The following STRN3 variants were observed in gnomAD, a reference collection of about 807,000 sequenced individuals.
STRN3 encodes the protein striatin-3.
A neutral mutation model predicts 95.6 loss-of-function variants in STRN3; 29 were observed. The ratio of observed to expected loss-of-function variants is 0.30; its 90% CI spans 0.23 to 0.41. The LOEUF is 0.41. Among genes scored for constraint, STRN3 ranks in the 10% least tolerant of loss-of-function variants. The pLI is 1.00. For missense variants in STRN3, 890 were observed against 972.1 expected (o/e 0.92, Z 1.12); for synonymous variants, 331 against 357.6 (o/e 0.93, Z 0.84).
chr14:30,918,183 CA>C (rs1341574164), intron 9 of STRN3, among the ~76,000 whole-genome samples: 2 of 152,078 alleles, frequency 1.3e-5, no homozygotes, highest in Admixed American at 1.3e-4. Context: ...ATTTAGGTAA[CA>C]GTTACATATA....
intron 5 of STRN3, among the ~76,000 whole-genome samples, chr14:30,937,571 T>TACAGATAGAAAGAC (rs1878884415): frequency 6.6e-6 from 1 of 152,194 alleles, no homozygotes; most frequent in Admixed American, 6.6e-5. Context: ...AAGGTTTTCA[T>TACAGATAGAAAGAC]ACAGTTGTTT....
chr14:30,993,828 C>G (rs931092181), intron 1 of STRN3, among the ~76,000 whole-genome samples: 1 of 151,616 alleles, frequency 6.6e-6, no homozygotes, highest in Non-Finnish European at 1.5e-5. Context: ...TACAGGCACC[C>G]GCCACCACAC....
chr14:30,957,471 A>AGAGC (rs1879977785), intron 1 of STRN3, among the ~76,000 whole-genome samples: 1 of 145,788 alleles, frequency 6.9e-6, no homozygotes, highest in Non-Finnish European at 1.5e-5. Context: ...AAAAAAAAAG[A>AGAGC]GAGAGAGAAA....
chr14:30,926,939 G>C (rs1471422279), intron 8 of STRN3, among the ~76,000 whole-genome samples: 10 of 151,998 alleles, frequency 6.6e-5, no homozygotes, highest in Non-Finnish European at 1.5e-4. Flanking sequence ...ATTATTTGTT[G>C]ACATAAAATG....
rs34490042 is a variant in STRN3 at position 31,009,604 on chromosome 14, AT to A, written c.282+16299del. Among the ~76,000 whole-genome samples, 191 of 144,666 alleles carry A rather than the reference AT, an allele frequency of 1.3e-3. 1 individual carries two copies. Among genetic ancestry groups the A allele is most frequent in the African/African-American group, 2.9e-3 (116 of 39,652 alleles). The allele number at this position is 144,666 out of a possible 152,430, so 94.9% of individuals were successfully genotyped here. ...TCAGGATTACAAAAAACCATTGCCA[AT>A]TTTTTTTTTTTTTTTACATTTCTGT... On this transcript the variant is annotated intron_variant, in intron 1 of 17. Coordinates refer to ENST00000357479, the MANE Select transcript of STRN3 (RefSeq NM_001083893.2).
At position 30,936,461 on chromosome 14, in the gene STRN3, T is replaced by G. The variant is rs773183930; in HGVS notation, c.846+34A>C. On this transcript the variant is annotated intron_variant, in intron 6 of 17. Coordinates refer to ENST00000357479, the MANE Select transcript of STRN3 (RefSeq NM_001083893.2). The stretch of plus-strand genomic sequence containing the variant: ...AATTCCCATTCCAACTACATGAATA[T>G]ATAGCTAATAAGAATATAAAATGTA... The G allele has an allele frequency of 5.6e-6, 9 of 1,593,986 alleles. No homozygotes were observed. The African/African-American group carries it at 1.1e-4, about 19-fold the overall frequency.
At position 31,021,604 on chromosome 14, in the gene STRN3, A is replaced by G. The variant is rs550277143; in HGVS notation, c.282+4300T>C. 7.9e-5 allele frequency among the ~76,000 whole-genome samples: 12 copies of G among 152,348 alleles called. No homozygotes were observed. The South Asian group carries it at 2.5e-3, about 32-fold the overall frequency. Reference sequence around the variant, plus strand: ...ATAAAATAGAACCAGAACCCCACATAATAACAACTGGGAACAAAAGAAAGA... The same window carrying G: ...ATAAAATAGAACCAGAACCCCACATGATAACAACTGGGAACAAAAGAAAGA... On this transcript the variant is annotated intron_variant, in intron 1 of 17. Transcript: ENST00000357479.
intron 1 of STRN3, among the ~76,000 whole-genome samples, chr14:30,995,864 T>G (rs966341998): frequency 5.9e-5 from 9 of 152,346 alleles, no homozygotes; most frequent in African/African-American, 2.2e-4. Context: ...ATTGTCCAGC[T>G]GCTGAGAATG....
At chr14:30,921,073 C>T (rs1451876680) in intron 8 of STRN3, among the ~76,000 whole-genome samples, 1 of 76,304 alleles carries the variant, frequency 1.3e-5, no homozygotes, top group Non-Finnish European at 3.3e-5. Flanking sequence ...CATACATATA[C>T]ACACACACAC....
At chr14:30,900,976 A>G (rs938304070) in intron 16 of STRN3, among the ~76,000 whole-genome samples, 28 of 152,208 alleles carry the variant, frequency 1.8e-4, no homozygotes, top group Admixed American at 1.8e-3. Flanking sequence ...TGCTTTTAAT[A>G]TAACTACTAA....
chr14:30,925,967 T>A (rs1897017798), intron 8 of STRN3, among the ~76,000 whole-genome samples: 1 of 152,082 alleles, frequency 6.6e-6, no homozygotes, highest in Non-Finnish European at 1.5e-5. Context: ...AATTATATCT[T>A]AGTATTAACA....
At chr14:30,904,458 G>A (rs1160714300) in intron 15 of STRN3, among the ~76,000 whole-genome samples, 1 of 152,106 alleles carries the variant, frequency 6.6e-6, no homozygotes, top group Non-Finnish European at 1.5e-5. Context: ...CCTTTAGAGG[G>A]TGCTAGCAAA....
chr14:30,929,738 T>C (rs906730349), intron 7 of STRN3, among the ~76,000 whole-genome samples: 1 of 151,938 alleles, frequency 6.6e-6, no homozygotes, highest in African/African-American at 2.4e-5. Context: ...GTTTCATTGA[T>C]GAAAATATTC....
At chr14:30,923,446 C>T (rs749171872) in intron 8 of STRN3, among the ~76,000 whole-genome samples, 1 of 152,022 alleles carries the variant, frequency 6.6e-6, no homozygotes, top group Non-Finnish European at 1.5e-5. Flanking sequence ...AGGTGCATAG[C>T]AATTCTGCAA....
intron 1 of STRN3, among the ~76,000 whole-genome samples, chr14:30,973,394 GAA>G: frequency 6.6e-6 from 1 of 151,858 alleles, no homozygotes; most frequent in East Asian, 1.9e-4. Flanking sequence ...CAGAGAGAGA[GAA>G]AGAGAGAAGG....
intron 1 of STRN3, among the ~76,000 whole-genome samples, chr14:30,963,003 C>G (rs1223247647): frequency 6.6e-6 from 1 of 152,130 alleles, no homozygotes; most frequent in Non-Finnish European, 1.5e-5. Flanking sequence ...TTTGTGTAAG[C>G]ATACTCTGTG....
chr14:30,933,280 T>TTAAAAAAAAAAAAA, intron 7 of STRN3, among the ~76,000 whole-genome samples: 1 of 22,778 alleles, frequency 4.4e-5, no homozygotes, highest in Non-Finnish European at 8.2e-5. Context: ...CCCTGTTTCA[T>TTAAAAAAAAAAAAA]AAAAAAAAAA....
chr14:30,951,560 C>T (rs934168555), intron 3 of STRN3, among the ~76,000 whole-genome samples: 9 of 152,000 alleles, frequency 5.9e-5, no homozygotes, highest in Admixed American at 2.0e-4. Context: ...ACTAGAATTC[C>T]GCTAAGTCGA....
chr14:30,962,785 A>G (rs1460626689), intron 1 of STRN3, among the ~76,000 whole-genome samples: 2 of 151,970 alleles, frequency 1.3e-5, no homozygotes, highest in African/African-American at 2.4e-5. Flanking sequence ...CTCCCTCCTC[A>G]GCCTCCCAGA....
Sources: gnomAD v4.1 joint callset for allele counts (sites outside exome capture counted in the v4.1 genomes callset) on GRCh38, gnomAD v4.1.1 for gene constraint, MANE v1.5 for transcripts, NCBI Gene and HGNC (gene_info 2026-07-23, HGNC 2026-07-21) for gene names.